The following IL1A variants were observed in gnomAD, a reference collection of about 807,000 sequenced individuals.
The protein encoded by IL1A is interleukin-1 alpha.
A neutral mutation model predicts 22.2 loss-of-function variants in IL1A; 16 were observed. That is an observed-to-expected ratio of 0.72 (90% CI 0.49 to 1.09). The LOEUF (loss-of-function observed/expected upper bound fraction) is 1.09, where lower values mean the gene tolerates loss of function less well. IL1A is among the 50% of genes least tolerant of loss of function. IL1A has a pLI of 0.00. For synonymous variants in IL1A, 113 were observed against 118.5 expected, an observed-to-expected ratio of 0.95 and a Z score of 0.30; for missense variants, 317 against 321.8, an observed-to-expected ratio of 0.99 and a Z score of 0.11.
chr2:112,774,230 T>G lies in IL1A; in HGVS notation c.*837A>C, dbSNP rs1282546989. ...AGGTAATTAATGTACATTTATTATA[T>G]GATTACAGGTCTCCCAAGTACTAGA... On this transcript the variant is annotated 3_prime_UTR_variant, in exon 7 of 7. Transcript: ENST00000263339. The G allele has an allele frequency of 6.6e-6, 1 of 152,104 alleles. No individual in the cohort carries two copies. The highest frequency in any genetic ancestry group is 1.9e-4 in the East Asian group (1 of 5,198). 9.4% of individuals were successfully genotyped at this position (152,104 alleles called of 1,614,324 possible).
chr2:112,777,459 G>A (rs1050928994), intron 6 of IL1A, among the ~76,000 whole-genome samples: 6 of 152,180 alleles, frequency 3.9e-5, no homozygotes, highest in Admixed American at 2.0e-4. Flanking sequence ...GTGTGTGTGT[G>A]TTTGAGGGGG....
At position 112,774,179 on chromosome 2, in the gene IL1A, C is replaced by G. The variant is rs1371959257; in HGVS notation, c.*888G>C. On this transcript the variant is annotated 3_prime_UTR_variant, in exon 7 of 7. Coordinates refer to ENST00000263339, the MANE Select transcript of IL1A (RefSeq NM_000575.5). ...CAGGTAAGTTTAATGGCAAAAGAGT[C>G]AAAGATCGGACCAATTACTGGCTCA... is the stretch of plus-strand genomic sequence containing the variant. 1 of 152,030 alleles carries G rather than the reference C, an allele frequency of 6.6e-6. No homozygotes were observed. Among genetic ancestry groups the G allele is most frequent in the African/African-American group, 2.4e-5 (1 of 41,362 alleles). 9.4% of individuals were successfully genotyped at this position (152,030 alleles called of 1,614,324 possible).
At chr2:112,783,944 C>T (rs963647127) in intron 1 of IL1A, among the ~76,000 whole-genome samples, 166 bp from the exon 2 acceptor site, 10 of 152,190 alleles carry the variant, frequency 6.6e-5, no homozygotes, top group African/African-American at 9.6e-5. Flanking sequence ...TTGCTATGTA[C>T]CTGTCTCCTT....
chr2:112,781,961 G>T, intron 3 of IL1A, 135 bp from the exon 4 acceptor site: 1 of 632,940 alleles, frequency 1.6e-6, no homozygotes, highest in East Asian at 2.7e-5. Flanking sequence ...GTTTCATTAG[G>T]CTTCCCTCCC....
intron 6 of IL1A, among the ~76,000 whole-genome samples, chr2:112,777,018 G>C (rs1196642404): frequency 6.6e-6 from 1 of 151,342 alleles, no homozygotes; most frequent in Non-Finnish European, 1.5e-5. Context: ...CCCTCCTGTC[G>C]GCAGCTCTCA....
chr2:112,779,697 G>A (rs1198134315), intron 4 of IL1A, 31 bp from the exon 5 acceptor site: 2 of 1,549,938 alleles, frequency 1.3e-6, no homozygotes, highest in African/African-American at 1.4e-5. Flanking sequence ...GCAGATTAAT[G>A]TCTATGTACA....
At chr2:112,783,056 T>G (rs1002564168) in intron 2 of IL1A, among the ~76,000 whole-genome samples, 2 of 152,272 alleles carry the variant, frequency 1.3e-5, no homozygotes, top group African/African-American at 4.8e-5. Context: ...GGAAGAATGT[T>G]AAGCTCCTTT....
Position 112,775,021 on chromosome 2 carries a change from T to C in IL1A, c.*46A>G. ...TTAGCTTCTTCATGTACATGGTACA[T>C]ATGAACTGTCAACACTGCACAAGTG... On this transcript the variant is annotated 3_prime_UTR_variant, in exon 7 of 7. Transcript: ENST00000263339. 1 of 1,463,172 alleles carries C rather than the reference T, an allele frequency of 6.8e-7. No homozygotes were observed. Among genetic ancestry groups the C allele is most frequent in the Non-Finnish European group, 9.6e-7 (1 of 1,044,454 alleles). 90.6% of individuals were successfully genotyped at this position (1,463,172 alleles called of 1,614,324 possible). A position where few individuals can be genotyped will look rare whatever the true frequency, so the allele number is the denominator to read the frequency against.
intron 6 of IL1A, 41 bp from the exon 7 acceptor site, chr2:112,775,308 G>T (rs3783550): frequency 0.68 from 1,047,535 of 1,533,572 alleles, 364,237 homozygotes; most frequent in African/African-American, 0.79. Context: ...GAACAAGATG[G>T]TAGAAAAAGG....
At chr2:112,783,447 C>T (rs1257471680) in intron 2 of IL1A, among the ~76,000 whole-genome samples, 2 of 152,174 alleles carry the variant, frequency 1.3e-5, no homozygotes, top group Non-Finnish European at 2.9e-5. Flanking sequence ...TCAACAGAGG[C>T]TGTGTCTAAG....
intron 3 of IL1A, among the ~76,000 whole-genome samples, chr2:112,782,247 G>A (rs1681222429): frequency 6.6e-6 from 1 of 152,184 alleles, no homozygotes; most frequent in Admixed American, 6.5e-5. Context: ...GTGTCTATTT[G>A]TGGTCTCCAA....
intron 6 of IL1A, among the ~76,000 whole-genome samples, chr2:112,777,202 G>A (rs1253235712): frequency 1.3e-5 from 2 of 151,898 alleles, no homozygotes; most frequent in African/African-American, 4.8e-5. Context: ...GAGACTAGAG[G>A]CTTTGATGCA....
chr2:112,783,888 G>A, intron 1 of IL1A, 110 bp from the exon 2 acceptor site: 1 of 895,910 alleles, frequency 1.1e-6, no homozygotes, highest in Middle Eastern at 2.2e-4. Context: ...GAATGACTTA[G>A]TCCACATTCA....
rs764003633 is a variant in IL1A, at chr2:112,778,128, C to T, written c.491-17G>A. ...CAAATTTCACTGGTGAAGAGAAGAA[C>T]CAAAAAGAAAGTAAATTCATTGTAT... On this transcript the variant is annotated splice_polypyrimidine_tract_variant and intron_variant, in intron 5 of 6. Transcript: ENST00000263339. 2 of 1,601,326 alleles carry T rather than the reference C, an allele frequency of 1.2e-6. No homozygotes were observed. Among genetic ancestry groups the T allele is most frequent in the Non-Finnish European group, 1.7e-6 (2 of 1,173,558 alleles).
rs62157423 is a variant in IL1A at position 112,780,752 on chromosome 2, C to A, written c.319+852G>T. ...TAGTAGTAGTAATAATAATAATAAT[C>A]ATAGGCCGGGCGCGGTGGCTCACGC... is the stretch of plus-strand genomic sequence containing the variant. On this transcript the variant is annotated intron_variant, in intron 4 of 6. Coordinates refer to ENST00000263339, the MANE Select transcript of IL1A (RefSeq NM_000575.5). 4.3e-4 allele frequency among the ~76,000 whole-genome samples: 7 copies of A among 16,132 alleles called. No homozygotes were observed. In the South Asian group the frequency reaches 8.6e-3, roughly 20 times the overall value. The allele number at this position is 16,132 out of a possible 152,430, so 10.6% of individuals were successfully genotyped here.
chr2:112,774,833 G>T lies in IL1A; in HGVS notation c.*234C>A. 1 of 419,776 alleles carries T rather than the reference G, an allele frequency of 2.4e-6. No homozygotes were observed. Among genetic ancestry groups the T allele is most frequent in the Non-Finnish European group, 4.4e-6 (1 of 229,800 alleles). The allele number at this position is 419,776 out of a possible 1,614,324, so 26.0% of individuals were successfully genotyped here. On this transcript the variant is annotated 3_prime_UTR_variant, in exon 7 of 7. Coordinates refer to ENST00000263339, the MANE Select transcript of IL1A (RefSeq NM_000575.5). ...GCTCTGGTCCTCCTAAAATTGTTATGAAGAATAATAATTAAAATGATTGGT... is the reference window on the plus strand; with the variant it reads ...GCTCTGGTCCTCCTAAAATTGTTATTAAGAATAATAATTAAAATGATTGGT...
chr2:112,775,381 T>C (rs889368950), intron 6 of IL1A, 114 bp from the exon 7 acceptor site: 2 of 730,598 alleles, frequency 2.7e-6, no homozygotes, highest in African/African-American at 1.8e-5. Context: ...ACTATGGCTG[T>C]AACATGATGC....
chr2:112,781,741 T>G lies in IL1A; in HGVS notation c.182A>C (p.Lys61Thr). The G allele has an allele frequency of 6.2e-7, 1 of 1,614,152 alleles. No homozygotes were observed. The highest frequency in any genetic ancestry group is 8.5e-7 in the Non-Finnish European group (1 of 1,180,000). The change falls in exon 4 of 7, where the codon AAA becomes ACA. Residue 61 changes from lysine to threonine, a missense_variant. Transcript: ENST00000263339. ...SVSLSISETS[K>T]TSKLTFKESM... ...CTCCTTGAAGGTAAGCTTGGATGTT[T>G]TAGAGGTTTCAGAGATACTCAGAGA...
In IL1A at chr2:112,775,246, T is replaced by C; in HGVS notation, c.637A>G (p.Thr213Ala). 6.2e-7 allele frequency: 1 copy of C among 1,613,844 alleles called. No individual in the cohort carries two copies. The highest frequency in any genetic ancestry group is 8.5e-7 in the Non-Finnish European group (1 of 1,179,722). Reference sequence around the variant, plus strand: ...AGGTTGGTCTCACTACCTGTGATGGTTTTGGGTATCTCAGGCATCTCCTAT... The same window carrying C: ...AGGTTGGTCTCACTACCTGTGATGGCTTTGGGTATCTCAGGCATCTCCTAT... The part of the protein sequence containing the change: ...LLKEMPEIPK[T>A]ITGSETNLLF... The change falls in exon 7 of 7, where the codon ACC (threonine) becomes GCC (alanine). Residue 213 changes from threonine (T) to alanine (A), a missense_variant. Coordinates refer to ENST00000263339, the MANE Select transcript of IL1A (RefSeq NM_000575.5).
Sources: gnomAD v4.1 joint callset for allele counts (sites outside exome capture counted in the v4.1 genomes callset) on GRCh38, gnomAD v4.1.1 for gene constraint, MANE v1.5 for transcripts, NCBI Gene and HGNC (gene_info 2026-07-23, HGNC 2026-07-21) for gene names.